UBE2D2: variants seen among roughly 807,000 people sequenced by gnomAD.
UBE2D2 encodes the protein ubiquitin conjugating enzyme E2 D2.
A neutral mutation model predicts 24.2 loss-of-function variants in UBE2D2; 2 were observed. That is an observed-to-expected ratio of 0.08 (90% CI 0.03 to 0.26). The LOEUF (loss-of-function observed/expected upper bound fraction) is 0.26. UBE2D2 is among the 10% of genes least tolerant of loss of function. The probability of loss-of-function intolerance (pLI) is 1.00; values close to 1 mark genes in which losing one functional copy is unlikely to be tolerated. For missense variants in UBE2D2, 44 were observed against 177.6 expected (o/e 0.25, Z 4.28); for synonymous variants, 58 against 56.5 (o/e 1.03, Z -0.12).
intron 1 of UBE2D2, among the ~76,000 whole-genome samples, chr5:139,566,072 G>A (rs1753209990): frequency 6.7e-6 from 1 of 149,270 alleles, no homozygotes; most frequent in African/African-American, 2.5e-5. Context: ...AGGCTGGAGT[G>A]CAGTGTCATG....
chr5:139,596,082 TG>T (rs1278388964), intron 1 of UBE2D2, among the ~76,000 whole-genome samples: 3 of 150,682 alleles, frequency 2.0e-5, no homozygotes, highest in South Asian at 2.1e-4. Context: ...TTAGTAGAGA[TG>T]GGGTTTCAGC....
At chr5:139,534,089 A>AT (rs537790305) in intron 1 of UBE2D2, among the ~76,000 whole-genome samples, 173 of 146,258 alleles carry the variant, frequency 1.2e-3, no homozygotes, top group Admixed American at 3.0e-3. Context: ...CAAAAAAAAC[A>AT]TTTTTTTTTT....
At chr5:139,585,935 C>CA (rs60277561) in intron 1 of UBE2D2, among the ~76,000 whole-genome samples, 3,522 of 25,328 alleles carry the variant, frequency 0.14, 485 homozygotes, top group East Asian at 0.47. Context: ...GACTCTGTCT[C>CA]AAAAAAAAAA....
At position 139,585,210 on chromosome 5, in the gene UBE2D2, C is replaced by CT. The variant is rs561161810; in HGVS notation, c.25-15146dup. Reference sequence around the variant, plus strand: ...CCACGGTGCCCGGCTGCGTGCAGGTCTTTTTTTTTTTTTTTTGAGACAGAG... The same window carrying CT: ...CCACGGTGCCCGGCTGCGTGCAGGTCTTTTTTTTTTTTTTTTTGAGACAGAG... On this transcript the variant is annotated intron_variant, in intron 1 of 6. Coordinates refer to ENST00000398733, the MANE Select transcript of UBE2D2 (RefSeq NM_003339.3). 9.2e-3 allele frequency among the ~76,000 whole-genome samples: 1,267 copies of CT among 137,218 alleles called. 4 individuals carry two copies. The highest frequency in any genetic ancestry group is 0.011 in the Non-Finnish European group (723 of 63,020). The allele number at this position is 137,218 out of a possible 152,430, so 90.0% of individuals were successfully genotyped here. A position where few individuals can be genotyped will look rare whatever the true frequency, so the allele number is the denominator to read the frequency against.
At chr5:139,548,193 A>AAAAATAAATAAATAAATAAAT in intron 1 of UBE2D2, among the ~76,000 whole-genome samples, 1 of 47,102 alleles carries the variant, frequency 2.1e-5, no homozygotes, top group South Asian at 6.6e-4. Flanking sequence ...ATAAAAAAAA[A>AAAAATAAATAAATAAATAAAT]AAATAAATAA....
chr5:139,545,150 C>A (rs924538520), intron 1 of UBE2D2, among the ~76,000 whole-genome samples: 1 of 152,072 alleles, frequency 6.6e-6, no homozygotes, highest in Non-Finnish European at 1.5e-5. Context: ...ATCTAACTCA[C>A]GCTTTTTATG....
At position 139,625,181 on chromosome 5, in the gene UBE2D2, C is replaced by T. The variant is rs549237191; in HGVS notation, c.399-1575C>T. 9.2e-5 allele frequency among the ~76,000 whole-genome samples: 14 copies of T among 151,778 alleles called. No individual in the cohort carries two copies. The South Asian group carries it at 2.5e-3, about 27-fold the overall frequency. On this transcript the variant is annotated intron_variant, in intron 6 of 6. Coordinates refer to ENST00000398733, the MANE Select transcript of UBE2D2 (RefSeq NM_003339.3). ...CAAGTGATCCTCCCACCCCAGCCTCCCCAGTAGCTGGGACTGCTAGTACAT... is the reference window on the plus strand; with the variant it reads ...CAAGTGATCCTCCCACCCCAGCCTCTCCAGTAGCTGGGACTGCTAGTACAT...
At chr5:139,591,190 G>A (rs1273973515) in intron 1 of UBE2D2, among the ~76,000 whole-genome samples, 6 of 150,394 alleles carry the variant, frequency 4.0e-5, no homozygotes, top group East Asian at 3.9e-4. Flanking sequence ...GTGCAATCTC[G>A]GCTCACCATA....
intron 1 of UBE2D2, among the ~76,000 whole-genome samples, chr5:139,577,105 G>A (rs1753488907): frequency 6.6e-6 from 1 of 151,966 alleles, no homozygotes; most frequent in African/African-American, 2.4e-5. Context: ...TCTGTAGGAA[G>A]ACGGTGGTAA....
At chr5:139,543,861 C>T (rs1752788645) in intron 1 of UBE2D2, among the ~76,000 whole-genome samples, 1 of 152,270 alleles carries the variant, frequency 6.6e-6, no homozygotes, top group South Asian at 2.1e-4. Flanking sequence ...GGAGTAGGCA[C>T]AATTTGCATG....
intron 1 of UBE2D2, among the ~76,000 whole-genome samples, chr5:139,579,374 C>T (rs1017921052): frequency 9.2e-5 from 14 of 151,944 alleles, no homozygotes; most frequent in African/African-American, 2.4e-4. Context: ...CTCGAACTCC[C>T]GACCTCAGGT....
chr5:139,599,529 G>T (rs917143764), intron 1 of UBE2D2: 3 of 151,902 alleles, frequency 2.0e-5, no homozygotes, highest in Non-Finnish European at 4.4e-5. Flanking sequence ...CAGGTCAGGA[G>T]ATTGAGATCA....
intron 5 of UBE2D2, among the ~76,000 whole-genome samples, chr5:139,620,484 A>G (rs1050776807): frequency 1.7e-4 from 26 of 152,236 alleles, no homozygotes; most frequent in African/African-American, 3.9e-4. Context: ...AGAATGTTCT[A>G]TGCTTGAAGA....
intron 1 of UBE2D2, among the ~76,000 whole-genome samples, chr5:139,546,833 C>T (rs868813326): frequency 1.6e-4 from 17 of 107,824 alleles, no homozygotes; most frequent in South Asian, 3.5e-4. Flanking sequence ...TTCCTTCCTT[C>T]CTTCCTTCCT....
chr5:139,552,155 A>C (rs1300570589), intron 1 of UBE2D2, among the ~76,000 whole-genome samples: 1 of 151,784 alleles, frequency 6.6e-6, no homozygotes, highest in African/African-American at 2.4e-5. Context: ...ATAAGCTCTA[A>C]TAGCTAACTT....
chr5:139,549,090 T>G (rs557328851), intron 1 of UBE2D2, among the ~76,000 whole-genome samples: 98 of 152,138 alleles, frequency 6.4e-4, no homozygotes, highest in Non-Finnish European at 1.0e-3. Context: ...CATCATGATC[T>G]GCCTGCCTCT....
chr5:139,559,685 T>C (rs914114785), upstream of UBE2D2, among the ~76,000 whole-genome samples: 7 of 152,274 alleles, frequency 4.6e-5, no homozygotes, highest in African/African-American at 1.7e-4. Flanking sequence ...ATCCTTCCCT[T>C]AGTTGGGCTC....
intron 5 of UBE2D2, among the ~76,000 whole-genome samples, chr5:139,619,281 A>G (rs1754469454): frequency 6.6e-6 from 1 of 152,106 alleles, no homozygotes; most frequent in Middle Eastern, 3.4e-3. Flanking sequence ...CTATAGTCCC[A>G]ACTACTCGGG....
At chr5:139,582,987 T>A (rs1218836211) in intron 1 of UBE2D2, among the ~76,000 whole-genome samples, 1 of 151,304 alleles carries the variant, frequency 6.6e-6, no homozygotes, top group Non-Finnish European at 1.5e-5. Context: ...CTTTTTTTTT[T>A]TTTTGAAGAC....
Sources: gnomAD v4.1 joint callset for allele counts (sites outside exome capture counted in the v4.1 genomes callset) on GRCh38, gnomAD v4.1.1 for gene constraint, MANE v1.5 for transcripts, NCBI Gene and HGNC (gene_info 2026-07-23, HGNC 2026-07-21) for gene names.